Variants in SHLD2 observed in about 807,000 individuals in gnomAD.
SHLD2 encodes the protein RINN1-REV7-interacting novel NHEJ regulator 2.
Under a neutral mutation model 73.2 loss-of-function variants are expected in SHLD2, and 30 were observed. That is an observed-to-expected ratio of 0.41 (90% CI 0.31 to 0.56). SHLD2 has a LOEUF of 0.56. SHLD2 is among the 20% of genes least tolerant of loss of function. The pLI is 0.28. For missense variants in SHLD2, 745 were observed against 1,055.9 expected (o/e 0.71, Z 4.08); for synonymous variants, 285 against 370.1 (o/e 0.77, Z 2.64).
chr10:87,118,243 C>G (rs1360758507), intron 2 of SHLD2, among the ~76,000 whole-genome samples: 1 of 152,058 alleles, frequency 6.6e-6, no homozygotes, highest in Non-Finnish European at 1.5e-5. Flanking sequence ...CAGCATTTCC[C>G]CATCTTGTTT....
At chr10:87,112,105 G>A (rs1842962935) in intron 2 of SHLD2, among the ~76,000 whole-genome samples, 1 of 151,542 alleles carries the variant, frequency 6.6e-6, no homozygotes, top group African/African-American at 2.4e-5. Context: ...GGGTGTAGTG[G>A]CGGGTGCCTG....
chr10:87,187,833 C>T (rs1259958893), intron 9 of SHLD2, among the ~76,000 whole-genome samples: 1 of 152,064 alleles, frequency 6.6e-6, no homozygotes, highest in Non-Finnish European at 1.5e-5. Flanking sequence ...AACAGGCATG[C>T]CTCTCGGTCC....
At chr10:87,118,480 G>A (rs1843390713) in intron 2 of SHLD2, among the ~76,000 whole-genome samples, 1 of 147,166 alleles carries the variant, frequency 6.8e-6, no homozygotes, top group Non-Finnish European at 1.5e-5. Flanking sequence ...TGACTTCAAG[G>A]CATTTTCTAT....
intron 4 of SHLD2, among the ~76,000 whole-genome samples, chr10:87,164,248 G>C (rs1847035250): frequency 6.6e-6 from 1 of 151,998 alleles, no homozygotes; most frequent in Admixed American, 6.6e-5. Flanking sequence ...GTGAGCCACT[G>C]TGCCTGGCCT....
At chr10:87,094,773 C>T, upstream of SHLD2, 1 of 1,535,946 alleles carries the variant, frequency 6.5e-7, no homozygotes, top group Non-Finnish European at 8.8e-7. The surrounding 1 kb of genome is among the most constrained non-coding windows in gnomAD (Gnocchi z 6.6). Context: ...GGTACATGGC[C>T]ACAAGCGGAG....
rs1169348965 is a variant in SHLD2, at chr10:87,120,250, A to ATTTT, written c.-6+23264_-6+23265insTTTT. On this transcript the variant is annotated intron_variant, in intron 2 of 9. Coordinates refer to ENST00000298786, the MANE Select transcript of SHLD2 (RefSeq NM_001330112.2). ...GAGGTATTTATTTATTTATTTATTT[A>ATTTT]TTTATTTATTTTTTTGAGACAGAGT... 4.2e-3 allele frequency among the ~76,000 whole-genome samples: 625 copies of ATTTT among 148,438 alleles called. 2 individuals are homozygous for ATTTT. Among genetic ancestry groups the ATTTT allele is most frequent in the African/African-American group, 9.7e-3 (373 of 38,592 alleles).
At position 87,104,498 on chromosome 10, in the gene SHLD2, C is replaced by T. The variant is rs143159454; in HGVS notation, c.-6+7509C>T. Among the ~76,000 whole-genome samples the T allele has an allele frequency of 5.8e-3, 865 of 149,254 alleles. 7 individuals are homozygous for T. The highest frequency in any genetic ancestry group is 0.019 in the African/African-American group (772 of 40,436). On this transcript the variant is annotated intron_variant, in intron 2 of 9. Coordinates refer to ENST00000298786, the MANE Select transcript of SHLD2 (RefSeq NM_001330112.2). ...GGAGTGAGCCGAGATGGCGCCACTGCACTCTAGCTTGGGTGACAACAGCAA... is the reference window on the plus strand; with the variant it reads ...GGAGTGAGCCGAGATGGCGCCACTGTACTCTAGCTTGGGTGACAACAGCAA...
chr10:87,104,243 G>GA (rs200425745), intron 2 of SHLD2, among the ~76,000 whole-genome samples: 307 of 124,054 alleles, frequency 2.5e-3, no homozygotes, highest in Middle Eastern at 9.7e-3. Flanking sequence ...TCTCAAAAAA[G>GA]AAAAAAAAAA....
At chr10:87,106,137 G>A (rs1842579486) in intron 2 of SHLD2, among the ~76,000 whole-genome samples, 1 of 152,174 alleles carries the variant, frequency 6.6e-6, no homozygotes, top group Admixed American at 6.6e-5. Flanking sequence ...CCCAGTAGCT[G>A]GGATTACAGG....
chr10:87,145,980 C>T (rs1187229156), intron 2 of SHLD2, among the ~76,000 whole-genome samples: 1 of 152,052 alleles, frequency 6.6e-6, no homozygotes, highest in African/African-American at 2.4e-5. Flanking sequence ...TATTTTGTTT[C>T]CCCCTGCCCT....
chr10:87,183,623 T>A (rs1848442213), intron 8 of SHLD2, among the ~76,000 whole-genome samples: 2 of 152,168 alleles, frequency 1.3e-5, no homozygotes, highest in African/African-American at 4.8e-5. Flanking sequence ...TTAAATATAC[T>A]CTCTCTCCCC....
At chr10:87,104,185 C>T (rs902892576) in intron 2 of SHLD2, among the ~76,000 whole-genome samples, 15 of 149,524 alleles carry the variant, frequency 1.0e-4, no homozygotes, top group Middle Eastern at 3.3e-3. Flanking sequence ...TGTAGTGAGC[C>T]GAGATTGTGC....
At chr10:87,110,495 T>G (rs1205113843) in intron 2 of SHLD2, among the ~76,000 whole-genome samples, 2 of 151,044 alleles carry the variant, frequency 1.3e-5, no homozygotes, top group Non-Finnish European at 2.9e-5. Context: ...TAATACCAGC[T>G]ACTCAGGAGG....
chr10:87,103,791 T>G (rs1428265137), intron 2 of SHLD2, among the ~76,000 whole-genome samples: 2 of 152,196 alleles, frequency 1.3e-5, no homozygotes, highest in Non-Finnish European at 2.9e-5. Flanking sequence ...TTTGGGTAAG[T>G]CTTCATTTTG....
At chr10:87,114,408 G>A (rs1054728747) in intron 2 of SHLD2, 1 of 152,138 alleles carries the variant, frequency 6.6e-6, no homozygotes. Flanking sequence ...TAGGGACAAG[G>A]TGACATTGGT....
intron 2 of SHLD2, among the ~76,000 whole-genome samples, chr10:87,125,994 T>TA (rs1843981310): frequency 1.3e-5 from 2 of 152,298 alleles, no homozygotes; most frequent in South Asian, 4.1e-4. Context: ...TAATTTCTGT[T>TA]ATTGTGTTGG....
chr10:87,185,086 T>C (rs1848534241), intron 8 of SHLD2, among the ~76,000 whole-genome samples: 1 of 152,152 alleles, frequency 6.6e-6, no homozygotes, highest in African/African-American at 2.4e-5. Context: ...CCATTCCCCA[T>C]GCCCCTCAAC....
chr10:87,158,392 A>C (rs1208452885), intron 4 of SHLD2, among the ~76,000 whole-genome samples: 1 of 152,186 alleles, frequency 6.6e-6, no homozygotes, highest in African/African-American at 2.4e-5. Context: ...GGCCATCAGT[A>C]TAGTGGTGGT....
At chr10:87,178,166 G>A (rs1291586866) in intron 7 of SHLD2, among the ~76,000 whole-genome samples, 2 of 143,234 alleles carry the variant, frequency 1.4e-5, no homozygotes, top group African/African-American at 5.2e-5. Flanking sequence ...AACGCAGGAG[G>A]CAGAGGTTGC....
Sources: gnomAD v4.1 joint callset for allele counts (sites outside exome capture counted in the v4.1 genomes callset) on GRCh38, gnomAD v4.1.1 for gene constraint, Gnocchi (gnomAD v3.1) non-coding constraint, MANE v1.5 for transcripts, NCBI Gene and HGNC (gene_info 2026-07-23, HGNC 2026-07-21) for gene names.